Variants in ACSL3 observed in about 807,000 individuals in gnomAD.
The protein encoded by ACSL3 is acyl-CoA synthetase long chain family member 3, also known as fatty acid CoA ligase Acsl3.
Under a neutral mutation model 84.7 loss-of-function variants are expected in ACSL3, and 34 were observed. The ratio of observed to expected loss-of-function variants is 0.40; its 90% CI spans 0.31 to 0.53. The LOEUF (loss-of-function observed/expected upper bound fraction) is 0.53. Among genes scored for constraint, ACSL3 ranks in the 20% least tolerant of loss-of-function variants. ACSL3 has a pLI of 0.48. For missense variants in ACSL3, 680 were observed against 873.1 expected (o/e 0.78, Z 2.79); for synonymous variants, 315 against 299.4 (o/e 1.05, Z -0.54).
chr2:222,890,891 C>T (rs1695830472), intron 2 of ACSL3, among the ~76,000 whole-genome samples: 1 of 152,206 alleles, frequency 6.6e-6, no homozygotes, highest in Non-Finnish European at 1.5e-5. Context: ...GATCTGCCCA[C>T]TTCAGCCTCC....
At position 222,927,203 on chromosome 2, in the gene ACSL3, T is replaced by C; in HGVS notation, c.1465+14T>C. The C allele has an allele frequency of 6.2e-7, 1 of 1,609,720 alleles. No individual in the cohort carries two copies. The highest frequency in any genetic ancestry group is 8.5e-7 in the Non-Finnish European group (1 of 1,176,202). On this transcript the variant is annotated intron_variant, in intron 12 of 16. Transcript: ENST00000357430. ...CAATTTCCGAAGGTAGTGTTCTCCA[T>C]GGTCAGAGGCTGGAGTGTGATGCCA...
intron 1 of ACSL3, among the ~76,000 whole-genome samples, chr2:222,876,953 T>C (rs1168304539): frequency 2.0e-5 from 3 of 152,224 alleles, no homozygotes; most frequent in Non-Finnish European, 4.4e-5. Context: ...AGAGAGTTCA[T>C]TGAAAATCTA....
In ACSL3 at chr2:222,894,856, G is replaced by A. The variant is rs566248805; in HGVS notation, c.-147-5818G>A. Among the ~76,000 whole-genome samples, 4 of 152,170 alleles carry A rather than the reference G, an allele frequency of 2.6e-5. No homozygotes were observed. The South Asian group carries it at 8.3e-4, about 32-fold the overall frequency. On this transcript the variant is annotated intron_variant, in intron 2 of 16. Coordinates refer to ENST00000357430, the MANE Select transcript of ACSL3 (RefSeq NM_004457.5). ...TTCAATGGGTATATATGTTTTTCAG[G>A]CATTCTTTGATTAATGAATCTTTAG...
intron 1 of ACSL3, among the ~76,000 whole-genome samples, chr2:222,875,300 T>C (rs943558272): frequency 1.3e-5 from 2 of 152,026 alleles, no homozygotes; most frequent in African/African-American, 4.8e-5. Context: ...TCAAGAAGAT[T>C]GGGGACGGAA....
intron 7 of ACSL3, among the ~76,000 whole-genome samples, chr2:222,920,024 A>G (rs1415826396): frequency 6.6e-6 from 1 of 152,174 alleles, no homozygotes; most frequent in Non-Finnish European, 1.5e-5. Flanking sequence ...CAGAGAGGAA[A>G]GAAGAAAATA....
chr2:222,922,766 G>C lies in ACSL3; in HGVS notation c.1015G>C (p.Glu339Gln). Residue 339 changes from glutamate (E) to glutamine (Q), a missense_variant, in exon 9 of 17, where the codon GAG becomes CAG. Glu to Gln is a conservative substitution (Grantham distance 29). Around this residue, in one of 2 missense-constraint regions of ACSL3, gnomAD observed 347 missense variants for 525.7 expected, o/e 0.66. Transcript: ENST00000357430. ...PLAHVLELSA[E>Q]LVCLSHGCRI... ...GGCCCATGTTCTAGAATTAAGTGCT[G>C]AGCTTGTCTGTCTTTCTCACGGATG... 2 of 1,614,148 alleles carry C rather than the reference G, an allele frequency of 1.2e-6. No homozygotes were observed. Among genetic ancestry groups the C allele is most frequent in the Non-Finnish European group, 1.7e-6 (2 of 1,180,008 alleles).
intron 2 of ACSL3, among the ~76,000 whole-genome samples, chr2:222,889,994 A>AT (rs1367459467): frequency 2.0e-5 from 3 of 152,268 alleles, no homozygotes; most frequent in Non-Finnish European, 4.4e-5. Flanking sequence ...GAATTTAAAG[A>AT]TAAAAAAGCA....
In ACSL3 at chr2:222,927,130, G is replaced by C; in HGVS notation, c.1406G>C (p.Cys469Ser). Residue 469 changes from cysteine (C) to serine (S), a missense_variant, in exon 12 of 17, where the codon TGT becomes TCT. By Grantham distance (112) the Cys-to-Ser change is moderately radical. Coordinates refer to ENST00000357430, the MANE Select transcript of ACSL3 (RefSeq NM_004457.5). ...CGATTCATGAACATCTGTTTCTGCT[G>C]TCCTGTTGGTCAGGGATACGGGCTC... Reference protein sequence around the residue: ...TQRFMNICFCCPVGQGYGLTE... With the variant: ...TQRFMNICFCSPVGQGYGLTE... 6.2e-7 allele frequency: 1 copy of C among 1,614,124 alleles called. No individual in the cohort carries two copies. The highest frequency in any genetic ancestry group is 8.5e-7 in the Non-Finnish European group (1 of 1,179,980).
rs534462145 is a variant in ACSL3, at chr2:222,871,443, G to A, written c.-207+10185G>A. On this transcript the variant is annotated intron_variant, in intron 1 of 16. Coordinates refer to ENST00000357430, the MANE Select transcript of ACSL3 (RefSeq NM_004457.5). ...GGCTTAGATGTTTATAGAATGAGGT[G>A]AGAAGTCAGTGAAAGATGTGTAAAG... Among the ~76,000 whole-genome samples the A allele has an allele frequency of 5.3e-5, 8 of 152,220 alleles. No individual in the cohort carries two copies. The South Asian group carries it at 1.7e-3, about 32-fold the overall frequency.
intron 10 of ACSL3, among the ~76,000 whole-genome samples, chr2:222,923,801 C>G (rs75948682): frequency 1.2e-5 from 1 of 85,592 alleles, no homozygotes; most frequent in Non-Finnish European, 2.4e-5. Flanking sequence ...TAGTTTCTTT[C>G]TATAATTATA....
At chr2:222,882,348 T>C (rs1695610053) in intron 1 of ACSL3, among the ~76,000 whole-genome samples, 2 of 152,224 alleles carry the variant, frequency 1.3e-5, no homozygotes, top group Admixed American at 6.5e-5. Context: ...CCTACCTTCC[T>C]GTGTTTCTGA....
At chr2:222,868,348 A>G (rs1424106408) in intron 1 of ACSL3, among the ~76,000 whole-genome samples, 1 of 152,206 alleles carries the variant, frequency 6.6e-6, no homozygotes, top group Admixed American at 6.5e-5. Flanking sequence ...TAAAATGGAG[A>G]TAATAGAAAT....
chr2:222,872,553 G>A lies in ACSL3; in HGVS notation c.-207+11295G>A, dbSNP rs200232385. 3.3e-5 allele frequency among the ~76,000 whole-genome samples: 5 copies of A among 152,284 alleles called. 1 individual carries two copies. The East Asian group carries it at 7.7e-4, about 23-fold the overall frequency. On this transcript the variant is annotated intron_variant, in intron 1 of 16. Coordinates refer to ENST00000357430, the MANE Select transcript of ACSL3 (RefSeq NM_004457.5). ...GATGCTCCCACCAGGTACTTTGCTAGTGGACACCAAGGATAGAATGATGAA... is the reference window on the plus strand; with the variant it reads ...GATGCTCCCACCAGGTACTTTGCTAATGGACACCAAGGATAGAATGATGAA...
intron 4 of ACSL3, among the ~76,000 whole-genome samples, chr2:222,913,150 A>G (rs140271201): frequency 6.6e-6 from 1 of 152,244 alleles, no homozygotes; most frequent in Non-Finnish European, 1.5e-5. Context: ...ATGAGGGATT[A>G]TGTAATATGG....
At chr2:222,941,325 G>A (rs551795187) in intron 16 of ACSL3, among the ~76,000 whole-genome samples, 172 bp from the exon 17 acceptor site, 8 of 152,114 alleles carry the variant, frequency 5.3e-5, no homozygotes, top group Admixed American at 5.2e-4. Flanking sequence ...TTGTTAAATA[G>A]TTTATTGTTT....
intron 13 of ACSL3, among the ~76,000 whole-genome samples, chr2:222,929,626 A>T (rs1360676899): frequency 6.6e-6 from 1 of 151,972 alleles, no homozygotes; most frequent in African/African-American, 2.4e-5. Flanking sequence ...AAAAATACAA[A>T]AATTAGCCAG....
At chr2:222,914,882 A>G (rs1402257546) in intron 4 of ACSL3, among the ~76,000 whole-genome samples, 3 of 152,240 alleles carry the variant, frequency 2.0e-5, no homozygotes, top group Non-Finnish European at 4.4e-5. Flanking sequence ...TAAAGAATTA[A>G]AATCATGAGA....
chr2:222,937,252 C>G (rs981572551), intron 16 of ACSL3, among the ~76,000 whole-genome samples: 2 of 152,002 alleles, frequency 1.3e-5, no homozygotes, highest in African/African-American at 2.4e-5. Context: ...TATAGACATG[C>G]AATTGATTTT....
intron 15 of ACSL3, 143 bp from the exon 16 acceptor site, chr2:222,934,387 T>G: frequency 1.6e-5 from 9 of 567,928 alleles, no homozygotes; most frequent in Non-Finnish European, 2.2e-5. Context: ...GGCGGTTGCA[T>G]GAAATGGATA....
Sources: allele counts gnomAD v4.1 joint callset (sites outside exome capture counted in the v4.1 genomes callset), GRCh38; gene constraint gnomAD v4.1.1; regional missense constraint gnomAD v4.1.1; transcripts MANE v1.5; gene names NCBI Gene and HGNC (gene_info 2026-07-23, HGNC 2026-07-21).